CRTAM: variants seen among roughly 807,000 people sequenced by gnomAD.
CRTAM encodes the protein cytotoxic and regulatory T cell molecule.
Under a neutral mutation model 50.0 loss-of-function variants are expected in CRTAM, and 44 were observed. The observed-to-expected ratio is 0.88, with a 90% CI of 0.69 to 1.13. CRTAM has a LOEUF of 1.13. Ranked by LOEUF, CRTAM falls within the 50% of genes most tolerant of loss-of-function variation. The probability of loss-of-function intolerance (pLI) is 0.00; values close to 1 mark genes in which losing one functional copy is unlikely to be tolerated. For missense variants in CRTAM, 448 were observed against 457.5 expected (o/e 0.98, Z 0.19); for synonymous variants, 159 against 169.3 (o/e 0.94, Z 0.47).
At chr11:122,845,864 A>G (rs557063184) in intron 1 of CRTAM, among the ~76,000 whole-genome samples, 2 of 152,098 alleles carry the variant, frequency 1.3e-5, no homozygotes, top group South Asian at 2.1e-4. Flanking sequence ...TTTTTTCTTA[A>G]TTTTTTGTAA....
intron 1 of CRTAM, among the ~76,000 whole-genome samples, chr11:122,846,399 C>T (rs1306253140): frequency 9.6e-6 from 1 of 103,788 alleles, no homozygotes; most frequent in Non-Finnish European, 2.0e-5. Context: ...ACCTCCTCCT[C>T]CCGGGTTCAA....
At chr11:122,860,051 C>G (rs984159393) in intron 5 of CRTAM, among the ~76,000 whole-genome samples, 1 of 152,034 alleles carries the variant, frequency 6.6e-6, no homozygotes, top group Non-Finnish European at 1.5e-5. Flanking sequence ...AAATGAGGAG[C>G]TATTTTATTT....
At chr11:122,864,755 G>T (rs148322050) in intron 7 of CRTAM, 36 bp downstream of exon 7, 83 of 1,458,376 alleles carry the variant, frequency 5.7e-5, no homozygotes, top group Non-Finnish European at 7.6e-5. Context: ...ATAAACACTC[G>T]ACATTTTAAC....
chr11:122,868,387 C>T (rs1228933883), intron 9 of CRTAM, among the ~76,000 whole-genome samples: 1 of 152,018 alleles, frequency 6.6e-6, no homozygotes, highest in Non-Finnish European at 1.5e-5. Context: ...GGACCGCCAG[C>T]GTTAAGTCCT....
chr11:122,848,425 C>CT (rs1225441487), intron 1 of CRTAM, among the ~76,000 whole-genome samples: 3 of 152,116 alleles, frequency 2.0e-5, no homozygotes, highest in Admixed American at 1.3e-4. Context: ...TGCCCCAGTG[C>CT]TTTTTTTGGA....
intron 2 of CRTAM, 99 bp from the exon 3 acceptor site, chr11:122,851,594 A>G: frequency 1.9e-6 from 2 of 1,052,332 alleles, no homozygotes; most frequent in Admixed American, 3.9e-5. Context: ...ATTGTGCCAA[A>G]TGTAGAAAGC....
chr11:122,855,972 G>T (rs775308841), intron 5 of CRTAM, 116 bp downstream of exon 5: 2 of 824,092 alleles, frequency 2.4e-6, no homozygotes, highest in Non-Finnish European at 3.8e-6. Context: ...TGCCAACAAA[G>T]CTTTCCTAAT....
intron 5 of CRTAM, among the ~76,000 whole-genome samples, chr11:122,858,881 CT>C (rs1825220947): frequency 6.6e-6 from 1 of 151,990 alleles, no homozygotes; most frequent in African/African-American, 2.4e-5. Flanking sequence ...TATTACTTAC[CT>C]GGGGATAGGA....
intron 8 of CRTAM, among the ~76,000 whole-genome samples, 189 bp downstream of exon 8, chr11:122,867,744 A>G (rs924304151): frequency 6.6e-6 from 1 of 152,230 alleles, no homozygotes; most frequent in African/African-American, 2.4e-5. Flanking sequence ...ATAGTCTAAG[A>G]GTGTATAATC....
In CRTAM at chr11:122,851,605, G is replaced by T. The variant is rs548050781; in HGVS notation, c.194-88G>T. The T allele has an allele frequency of 1.8e-5, 20 of 1,138,264 alleles. No individual in the cohort carries two copies. The Admixed American group carries it at 3.0e-4, about 17-fold the overall frequency. The allele number at this position is 1,138,264 out of a possible 1,614,324, so 70.5% of individuals were successfully genotyped here. On this transcript the variant is annotated intron_variant, in intron 2 of 9. Transcript: ENST00000227348. ...TTTGATTGTGCCAAATGTAGAAAGC[G>T]GGGCAGTGCTTCTGGCATCTACTGG...
At chr11:122,855,650 T>G in intron 4 of CRTAM, 45 bp from the exon 5 acceptor site, 1 of 1,577,890 alleles carries the variant, frequency 6.3e-7, no homozygotes, top group South Asian at 1.1e-5. Context: ...ACCAACCTCA[T>G]CCAGTAGCAT....
intron 5 of CRTAM, among the ~76,000 whole-genome samples, chr11:122,860,542 A>G (rs963484757): frequency 2.6e-5 from 4 of 152,216 alleles, no homozygotes; most frequent in Admixed American, 2.6e-4. Flanking sequence ...GTTAATTAAC[A>G]GGATAAATCA....
At chr11:122,870,588 C>A (rs1024143482) in intron 9 of CRTAM, among the ~76,000 whole-genome samples, 7 of 152,186 alleles carry the variant, frequency 4.6e-5, no homozygotes, top group African/African-American at 1.7e-4. Context: ...CATCTCTAGT[C>A]TCTTTGTACA....
chr11:122,842,267 ATGTTTGTT>A (rs60959162), intron 1 of CRTAM, among the ~76,000 whole-genome samples: 35 of 152,048 alleles, frequency 2.3e-4, no homozygotes, highest in East Asian at 3.9e-4. Context: ...CATGGGTTAT[ATGTTTGTT>A]TGTTTGTTTG....
intron 2 of CRTAM, among the ~76,000 whole-genome samples, chr11:122,850,569 C>G (rs976974222): frequency 1.3e-5 from 2 of 152,214 alleles, no homozygotes; most frequent in African/African-American, 4.8e-5. Flanking sequence ...GAGCCCGATC[C>G]TCATGCAACC....
chr11:122,853,847 C>A, intron 3 of CRTAM, 96 bp from the exon 4 acceptor site: 1 of 1,181,328 alleles, frequency 8.5e-7, no homozygotes, highest in Non-Finnish European at 1.2e-6. Flanking sequence ...TTAGAGTATA[C>A]CCTATAACAA....
intron 9 of CRTAM, 47 bp downstream of exon 9, chr11:122,868,146 T>C: frequency 8.3e-7 from 1 of 1,200,418 alleles, no homozygotes. Flanking sequence ...GGTTCATTAA[T>C]GTATTAGTCA....
chr11:122,869,024 A>G (rs1272648067), intron 9 of CRTAM, among the ~76,000 whole-genome samples: 1 of 152,190 alleles, frequency 6.6e-6, no homozygotes, highest in Non-Finnish European at 1.5e-5. Flanking sequence ...AATAAAAATA[A>G]AAATAAATAA....
chr11:122,860,976 C>G (rs1413428730), intron 5 of CRTAM, among the ~76,000 whole-genome samples: 1 of 152,306 alleles, frequency 6.6e-6, no homozygotes, highest in Non-Finnish European at 1.5e-5. Context: ...GGATTACAGG[C>G]ATGAACCATT....
Sources: gnomAD v4.1 joint callset for allele counts (sites outside exome capture counted in the v4.1 genomes callset) on GRCh38, gnomAD v4.1.1 for gene constraint, MANE v1.5 for transcripts, NCBI Gene and HGNC (gene_info 2026-07-23, HGNC 2026-07-21) for gene names.